INSR: variants seen among roughly 807,000 people sequenced by gnomAD.
INSR encodes the protein insulin receptor.
INSR carries 67 observed loss-of-function variants against 142.6 expected under a neutral mutation model. That is an observed-to-expected ratio of 0.47 (90% CI 0.39 to 0.58). The LOEUF (loss-of-function observed/expected upper bound fraction) is 0.58, where lower values mean the gene tolerates loss of function less well. Among genes scored for constraint, INSR ranks in the 20% least tolerant of loss-of-function variants. The pLI, the probability that INSR is intolerant of heterozygous loss-of-function variation, is 0.00. For synonymous variants in INSR, 756 were observed against 743.1 expected (o/e 1.02, Z -0.28); for missense variants, 1,248 against 1,833.2 (o/e 0.68, Z 5.83).
In INSR at chr19:7,197,516, G is replaced by GTGTGTGTGTGTGTGTGTGTGTGT. The variant is rs1568480264; in HGVS notation, c.653-12880_653-12879insACACACACACACACACACACACA. ...TGGCAGGTTCCAGAGTGGGAGTGGG[G>GTGTGTGTGTGTGTGTGTGTGTGT]GTGTGTGTGTGTGTGTGTGTGTGTG... On this transcript the variant is annotated intron_variant, in intron 2 of 21. Transcript: ENST00000302850. 3.2e-3 allele frequency among the ~76,000 whole-genome samples: 224 copies of GTGTGTGTGTGTGTGTGTGTGTGT among 70,924 alleles called. 43 individuals are homozygous for GTGTGTGTGTGTGTGTGTGTGTGT. The highest frequency in any genetic ancestry group is 8.4e-3 in the Admixed American group (57 of 6,820). 46.5% of individuals were successfully genotyped at this position (70,924 alleles called of 152,430 possible).
intron 11 of INSR, among the ~76,000 whole-genome samples, chr19:7,147,205 C>T (rs1039405928): frequency 3.3e-5 from 5 of 151,428 alleles, no homozygotes; most frequent in African/African-American, 7.3e-5. Flanking sequence ...GACAGAGTCT[C>T]GCTCTGTTGC....
chr19:7,233,137 GCAC>G (rs1976040578), intron 2 of INSR, among the ~76,000 whole-genome samples: 24 of 152,068 alleles, frequency 1.6e-4, no homozygotes, highest in Admixed American at 1.6e-3. Flanking sequence ...GGGATTACAG[GCAC>G]CAGCCACCAC....
At chr19:7,154,556 C>A (rs1286220069) in intron 9 of INSR, among the ~76,000 whole-genome samples, 1 of 150,714 alleles carries the variant, frequency 6.6e-6, no homozygotes, top group East Asian at 2.0e-4. Flanking sequence ...CCCGCCTTGG[C>A]CTCCCAAAGT....
chr19:7,153,353 ACACACCACACACCC>A (rs1973484380), intron 9 of INSR, among the ~76,000 whole-genome samples: 2 of 92,766 alleles, frequency 2.2e-5, no homozygotes, highest in Admixed American at 1.2e-4. Context: ...ACCACAGACC[ACACACCACACACCC>A]CACACACACC....
At chr19:7,143,633 G>C (rs1344861670) in intron 11 of INSR, among the ~76,000 whole-genome samples, 1 of 152,130 alleles carries the variant, frequency 6.6e-6, no homozygotes, top group African/African-American at 2.4e-5. Flanking sequence ...ACATCACTCA[G>C]GTCAGGAAGA....
At chr19:7,189,271 A>C (rs1974514400) in intron 2 of INSR, among the ~76,000 whole-genome samples, 1 of 152,222 alleles carries the variant, frequency 6.6e-6, no homozygotes. Flanking sequence ...ATGGCCTAAC[A>C]CAAACCTCTC....
chr19:7,267,679 G>A lies in INSR; in HGVS notation c.318C>T (p.Leu106=). 6.2e-7 allele frequency: 1 copy of A among 1,614,148 alleles called. No individual in the cohort carries two copies. Among genetic ancestry groups the A allele is most frequent in the Non-Finnish European group, 8.5e-7 (1 of 1,180,032 alleles). Reference sequence around the variant, plus strand: ...ACAGTCGTGATCCCCGGATGACCGTGAGGTTGGGGAACAGGTCCTTCAGGC... The same window carrying A: ...ACAGTCGTGATCCCCGGATGACCGTAAGGTTGGGGAACAGGTCCTTCAGGC... ...LESLKDLFPN[L]TVIRGSRLFF... Residue 106 remains leucine (L), a synonymous_variant, in exon 2 of 22, where the codon CTC becomes CTT. Transcript: ENST00000302850. The surrounding 1 kb of genome is among the most constrained non-coding windows in gnomAD (Gnocchi z 6.3).
At chr19:7,118,700 C>T (rs12979425) in intron 21 of INSR, among the ~76,000 whole-genome samples, 81,667 of 148,108 alleles carry the variant, frequency 0.55, 23,423 homozygotes, top group Non-Finnish European at 0.64. Context: ...GGGTGGATCA[C>T]GAGGTCAGGA....
chr19:7,256,694 C>A (rs1269768354), intron 2 of INSR, among the ~76,000 whole-genome samples: 1 of 151,450 alleles, frequency 6.6e-6, no homozygotes, highest in African/African-American at 2.4e-5. Flanking sequence ...CCACTGCACC[C>A]CAGCCTGGAC....
At chr19:7,242,972 C>G (rs1976405545) in intron 2 of INSR, among the ~76,000 whole-genome samples, 1 of 152,008 alleles carries the variant, frequency 6.6e-6, no homozygotes, top group African/African-American at 2.4e-5. Flanking sequence ...GGGACAGATT[C>G]TTAGAGCCAT....
At chr19:7,201,400 G>A (rs1974947607) in intron 2 of INSR, among the ~76,000 whole-genome samples, 1 of 152,042 alleles carries the variant, frequency 6.6e-6, no homozygotes. Context: ...CGAGGCGGGT[G>A]TATCACCTGA....
chr19:7,158,364 G>A (rs537606097), intron 9 of INSR, among the ~76,000 whole-genome samples: 27 of 152,208 alleles, frequency 1.8e-4, no homozygotes, highest in Admixed American at 1.0e-3. Flanking sequence ...AGCCGGGCGT[G>A]GTGGCGGGCG....
At chr19:7,238,285 G>A (rs370630927) in intron 2 of INSR, among the ~76,000 whole-genome samples, 1 of 152,056 alleles carries the variant, frequency 6.6e-6, no homozygotes, top group Admixed American at 6.6e-5. Flanking sequence ...CATAGAAAAC[G>A]TCCACGGGCA....
In INSR at chr19:7,152,887, C is replaced by T. The variant is rs1973410726; in HGVS notation, c.2070G>A (p.Glu690=). The part of the protein sequence containing the change: ...LPSRTWSPPF[E]SEDSQKHNQS... ...GGTTGTGCTTCTGAGAATCTTCAGA[C>T]TCGAATGGTGGAGACCAGGTCCTCG... Residue 690 remains glutamate (E), a synonymous_variant, in exon 10 of 22, where the codon GAG becomes GAA. Coordinates refer to ENST00000302850, the MANE Select transcript of INSR (RefSeq NM_000208.4). The T allele has an allele frequency of 1.2e-6, 2 of 1,612,732 alleles. No individual in the cohort carries two copies. The highest frequency in any genetic ancestry group is 1.3e-5 in the African/African-American group (1 of 74,794).
chr19:7,207,785 C>A (rs12973279), intron 2 of INSR, among the ~76,000 whole-genome samples: 112,687 of 151,558 alleles, frequency 0.74, 41,996 homozygotes, highest in Non-Finnish European at 0.75. Context: ...TACTTGAGGG[C>A]CTGAGGCAGG....
chr19:7,187,530 G>A (rs1974462480), intron 2 of INSR, among the ~76,000 whole-genome samples: 1 of 151,966 alleles, frequency 6.6e-6, no homozygotes, highest in African/African-American at 2.4e-5. Flanking sequence ...CACATTTATG[G>A]GGTACTTGTG....
intron 13 of INSR, among the ~76,000 whole-genome samples, chr19:7,137,998 C>A (rs1972980013): frequency 7.1e-6 from 1 of 141,658 alleles, no homozygotes; most frequent in South Asian, 2.3e-4. Context: ...GAGTCTCACT[C>A]TGTCGCCCAG....
chr19:7,275,536 A>T (rs1030238843), intron 1 of INSR, among the ~76,000 whole-genome samples: 5 of 151,942 alleles, frequency 3.3e-5, no homozygotes, highest in African/African-American at 1.2e-4. Flanking sequence ...TAATCCCAGC[A>T]CTTTGGGAGG....
At chr19:7,213,354 A>C (rs1274535818) in intron 2 of INSR, among the ~76,000 whole-genome samples, 1 of 148,690 alleles carries the variant, frequency 6.7e-6, no homozygotes, top group Non-Finnish European at 1.5e-5. Flanking sequence ...AAAAAAAAAA[A>C]AAAAACAAAC....
Sources: allele counts gnomAD v4.1 joint callset (sites outside exome capture counted in the v4.1 genomes callset), GRCh38; gene constraint gnomAD v4.1.1; non-coding constraint Gnocchi (gnomAD v3.1); transcripts MANE v1.5; gene names NCBI Gene and HGNC (gene_info 2026-07-23, HGNC 2026-07-21).